The following PRELID3B variants were observed in gnomAD, a reference collection of about 807,000 sequenced individuals.
PRELID3B encodes the protein PRELI domain containing protein 3B.
Under a neutral mutation model 24.0 loss-of-function variants are expected in PRELID3B, and 15 were observed. The ratio of observed to expected loss-of-function variants is 0.63; its 90% confidence interval spans 0.42 to 0.96. The LOEUF (loss-of-function observed/expected upper bound fraction) is 0.96. PRELID3B is among the 40% of genes least tolerant of loss of function. The pLI, the probability that PRELID3B is intolerant of heterozygous loss-of-function variation, is 0.00. For missense variants in PRELID3B, 189 were observed against 236.0 expected (o/e 0.80, Z 1.30); for synonymous variants, 62 against 76.0 (o/e 0.82, Z 0.96).
rs2092061435 is a variant in PRELID3B, at chr20:59,035,047, A to G, written c.545T>C (p.Ile182Thr). The G allele has an allele frequency of 6.2e-7, 1 of 1,613,880 alleles. No individual in the cohort carries two copies. Among genetic ancestry groups the G allele is most frequent in the Admixed American group, 1.7e-5 (1 of 59,968 alleles). Residue 182 changes from isoleucine (I) to threonine (T), a missense_variant, in exon 6 of 6, where the codon ATA becomes ACA. Physicochemically the swap from Ile to Thr is moderately conservative, Grantham distance 89 (BLOSUM62 -1). Transcript: ENST00000355937. ...CGCTGCTGCTGCCATTGGAGTCCTT[A>G]TGGTTCCTCTTGCTGAGGCTGTCAG... is the stretch of plus-strand genomic sequence containing the variant. ...EELTASARGT[I>T]RTPMAAAAFA...
rs771464432 is a variant in PRELID3B at position 59,036,624 on chromosome 20, A to G, written c.363-51T>C. 8 of 1,590,482 alleles carry G rather than the reference A, an allele frequency of 5.0e-6. No homozygotes were observed. In the African/African-American group the frequency reaches 1.1e-4, roughly 22 times the overall value. On this transcript the variant is annotated intron_variant, in intron 4 of 5. Coordinates refer to ENST00000355937, the MANE Select transcript of PRELID3B (RefSeq NM_016045.3). ...TTCAGATGACCCAGCTTTCATTTTCAAAAAACTTGATAAAAAAACCTTAAA... is the reference window on the plus strand; with the variant it reads ...TTCAGATGACCCAGCTTTCATTTTCGAAAAACTTGATAAAAAAACCTTAAA...
rs138406060 is a variant in PRELID3B, at chr20:59,041,161, C to G, written c.32+1538G>C. ...CGAGAACCTCTGAAGCATGCAAACC[C>G]AGAAGAGGACTGAAGCATGCAAACC... is the stretch of plus-strand genomic sequence containing the variant. On this transcript the variant is annotated intron_variant, in intron 1 of 5. Coordinates refer to ENST00000355937, the MANE Select transcript of PRELID3B (RefSeq NM_016045.3). Among the ~76,000 whole-genome samples, 443 of 152,202 alleles carry G rather than the reference C, an allele frequency of 2.9e-3. 2 individuals are homozygous for G. The highest frequency in any genetic ancestry group is 4.3e-3 in the Non-Finnish European group (292 of 68,004).
chr20:59,041,350 A>G (rs1484361145), intron 1 of PRELID3B, among the ~76,000 whole-genome samples: 1 of 152,214 alleles, frequency 6.6e-6, no homozygotes, highest in African/African-American at 2.4e-5. Context: ...CCAGTATTCT[A>G]TACTTTGCAG....
In PRELID3B at chr20:59,040,993, TCACTGAACATTTA is replaced by T. The variant is rs1224272035; in HGVS notation, c.32+1693_32+1705del. On this transcript the variant is annotated intron_variant, in intron 1 of 5. Transcript: ENST00000355937. This position sits in a 1 kb window ranked among gnomAD's most constrained non-coding sequence, Gnocchi z 4.1. ...AATATAGGAAGGCCAACACAGAATC[TCACTGAACATTTA>T]CACTGAATGGGAAAAGACAGGGAAG... Among the ~76,000 whole-genome samples, 3 of 152,122 alleles carry T rather than the reference TCACTGAACATTTA, an allele frequency of 2.0e-5. No homozygotes were observed. Among genetic ancestry groups the T allele is most frequent in the Non-Finnish European group, 4.4e-5 (3 of 68,036 alleles).
chr20:59,039,943 T>A (rs1205978268), intron 1 of PRELID3B, among the ~76,000 whole-genome samples: 1 of 152,180 alleles, frequency 6.6e-6, no homozygotes, highest in Non-Finnish European at 1.5e-5. Flanking sequence ...ATCTGAAGTG[T>A]CCCGACAAAT....
intron 2 of PRELID3B, 52 bp from the exon 3 acceptor site, chr20:59,037,332 A>G (rs866593820): frequency 7.5e-7 from 1 of 1,330,984 alleles, no homozygotes; most frequent in Middle Eastern, 1.8e-4. Context: ...TTTCTTACCA[A>G]GTCTATCAAT....
intron 1 of PRELID3B, among the ~76,000 whole-genome samples, chr20:59,041,982 G>C (rs6070700): frequency 1.4e-4 from 22 of 152,198 alleles, no homozygotes; most frequent in Admixed American, 6.5e-5. Context: ...TCAAGGCTTA[G>C]TTTCGTTAGT....
chr20:59,038,237 C>G, intron 2 of PRELID3B: 1 of 428,966 alleles, frequency 2.3e-6, no homozygotes, highest in Admixed American at 3.9e-5. Context: ...TCAGATCACA[C>G]GGCATTAGCT....
At chr20:59,037,520 G>A (rs1382809288) in intron 2 of PRELID3B, among the ~76,000 whole-genome samples, 4 of 152,232 alleles carry the variant, frequency 2.6e-5, no homozygotes, top group Admixed American at 1.3e-4. Flanking sequence ...CACTGAGAAC[G>A]TCTGCAACGT....
rs2092062830 is a variant in PRELID3B at position 59,035,158 on chromosome 20, T to C, written c.466-32A>G. On this transcript the variant is annotated intron_variant, in intron 5 of 5. Transcript: ENST00000355937. ...AAAAATCCAATACATTTATTGTTAC[T>C]GAGGGAGAGCAAAGGCATATATCGA... is the stretch of plus-strand genomic sequence containing the variant. 3.2e-6 allele frequency: 5 copies of C among 1,586,392 alleles called. No homozygotes were observed. In the African/African-American group the frequency reaches 5.5e-5, roughly 17 times the overall value.
rs2092089205 is a variant in PRELID3B at position 59,038,482 on chromosome 20, G to A, written c.185C>T (p.Pro62Leu). The part of the protein sequence containing the change: ...HRLLSTEWGL[P>L]SIVKSLIGAA... ...CACACTTACAGACTTCACAATGGAA[G>A]GCAGTCCCCACTCTGTGCTGAGAAG... Residue 62 changes from proline to leucine, a missense_variant, in exon 2 of 6, where the codon CCT becomes CTT. Transcript: ENST00000355937. 2 of 1,613,274 alleles carry A rather than the reference G, an allele frequency of 1.2e-6. No individual in the cohort carries two copies. Among genetic ancestry groups the A allele is most frequent in the Non-Finnish European group, 8.5e-7 (1 of 1,179,570 alleles).
rs758443895 is a variant in PRELID3B at position 59,042,774 on chromosome 20, A to G, written c.-44T>C. ...GATGTCCGGGTAGCGCCAGGGGACA[A>G]CGAGGCACAGAGGCTACACCTGCCC... On this transcript the variant is annotated 5_prime_UTR_variant, in exon 1 of 6. Coordinates refer to ENST00000355937, the MANE Select transcript of PRELID3B (RefSeq NM_016045.3). The G allele has an allele frequency of 3.8e-6, 6 of 1,583,220 alleles. No individual in the cohort carries two copies. The highest frequency in any genetic ancestry group is 5.1e-6 in the Non-Finnish European group (6 of 1,165,430).
intron 5 of PRELID3B, among the ~76,000 whole-genome samples, chr20:59,035,721 T>C (rs1244262515): frequency 2.0e-5 from 3 of 152,234 alleles, no homozygotes; most frequent in African/African-American, 7.2e-5. Flanking sequence ...TACCTTTTCT[T>C]TCCTAATTAC....
intron 4 of PRELID3B, 47 bp downstream of exon 4, chr20:59,036,643 C>G (rs774636288): frequency 1.3e-6 from 2 of 1,571,784 alleles, no homozygotes; most frequent in South Asian, 2.2e-5. Flanking sequence ...GATAAAAAAA[C>G]CTTAAACACC....
Position 59,034,890 on chromosome 20 carries a change from C to CAAAAAAAAAAAAAAAAAA in PRELID3B, c.*99_*116dup, listed in dbSNP as rs34173406. On this transcript the variant is annotated 3_prime_UTR_variant, in exon 6 of 6. Coordinates refer to ENST00000355937, the MANE Select transcript of PRELID3B (RefSeq NM_016045.3). The stretch of plus-strand genomic sequence containing the variant: ...GTCACATAGCCTTACACCAACTTAT[C>CAAAAAAAAAAAAAAAAAA]AAAAAAAAAAAAAAAAAAACTACCC... The CAAAAAAAAAAAAAAAAAA allele has an allele frequency of 1.6e-6, 1 of 625,508 alleles. No homozygotes were observed. The highest frequency in any genetic ancestry group is 2.5e-5 in the African/African-American group (1 of 40,364). 38.7% of individuals were successfully genotyped at this position (625,508 alleles called of 1,614,324 possible).
chr20:59,037,895 G>C (rs913133097), intron 2 of PRELID3B, among the ~76,000 whole-genome samples: 1 of 152,188 alleles, frequency 6.6e-6, no homozygotes, highest in Non-Finnish European at 1.5e-5. Flanking sequence ...TCCATAAAGA[G>C]ACCCTCTAAA....
Position 59,034,819 on chromosome 20 carries a change from TCA to T in PRELID3B, c.*186_*187del, listed in dbSNP as rs1358441168. ...ATAGTAATTTCAAACAACATTAATT[TCA>T]GATGATCCCTTTTATTTAGAGGCCC... On this transcript the variant is annotated 3_prime_UTR_variant, in exon 6 of 6. Coordinates refer to ENST00000355937, the MANE Select transcript of PRELID3B (RefSeq NM_016045.3). The T allele has an allele frequency of 2.3e-6, 1 of 432,472 alleles. No homozygotes were observed. Among genetic ancestry groups the T allele is most frequent in the Non-Finnish European group, 3.9e-6 (1 of 253,784 alleles). 26.8% of individuals were successfully genotyped at this position (432,472 alleles called of 1,614,324 possible).
intron 4 of PRELID3B, 35 bp downstream of exon 4, chr20:59,036,655 T>A: frequency 6.3e-7 from 1 of 1,578,044 alleles, no homozygotes; most frequent in South Asian, 1.1e-5. Flanking sequence ...TTAAACACCC[T>A]TTACGATACA....
At chr20:59,042,661 C>G in intron 1 of PRELID3B, 38 bp downstream of exon 1, 3 of 1,572,224 alleles carry the variant, frequency 1.9e-6, no homozygotes, top group Non-Finnish European at 2.6e-6. Context: ...GGCCGGCGTG[C>G]CTGCCCTCCA....
Sources: allele counts gnomAD v4.1 joint callset (sites outside exome capture counted in the v4.1 genomes callset), GRCh38; gene constraint gnomAD v4.1.1; non-coding constraint Gnocchi (gnomAD v3.1); transcripts MANE v1.5; gene names NCBI Gene and HGNC (gene_info 2026-07-23, HGNC 2026-07-21).